Variants in C12orf42 observed in about 807,000 individuals in gnomAD.
The protein encoded by C12orf42 is chromosome 12 open reading frame 42.
C12orf42 carries 25 observed loss-of-function variants against 21.6 expected under a neutral mutation model. The observed-to-expected ratio is 1.16, with a 90% CI of 0.84 to 1.62. The LOEUF (loss-of-function observed/expected upper bound fraction) is 1.62, where lower values mean the gene tolerates loss of function less well. C12orf42 is among the 40% of genes most tolerant of loss of function. C12orf42 has a pLI of 0.00. For missense variants in C12orf42, 483 were observed against 459.3 expected, an observed-to-expected ratio of 1.05 and a Z score of -0.47; for synonymous variants, 174 against 175.0, an observed-to-expected ratio of 0.99 and a Z score of 0.05.
chr12:103,524,865 T>C, the C12orf42 span, among the ~76,000 whole-genome samples: 2 of 151,070 alleles, frequency 1.3e-5, no homozygotes, highest in South Asian at 4.2e-4. Context: ...GACCTGCAGC[T>C]GGTTTTGATC....
At chr12:103,256,628 G>C (rs1415813751) in intron 10 of C12orf42, among the ~76,000 whole-genome samples, 1 of 152,132 alleles carries the variant, frequency 6.6e-6, no homozygotes, top group African/African-American at 2.4e-5. Context: ...AGTTGAAAGA[G>C]CATGAAGTAA....
At chr12:103,324,679 G>C (rs932973606) in intron 4 of C12orf42, among the ~76,000 whole-genome samples, 1 of 152,044 alleles carries the variant, frequency 6.6e-6, no homozygotes, top group African/African-American at 2.4e-5. Context: ...TGTTTTACAA[G>C]TGCTCATTTT....
intron 4 of C12orf42, among the ~76,000 whole-genome samples, chr12:103,351,300 A>G (rs562445560): frequency 6.6e-6 from 1 of 152,106 alleles, no homozygotes; most frequent in Non-Finnish European, 1.5e-5. Flanking sequence ...GCCAACCTGT[A>G]ACCTATCCAA....
chr12:103,338,657 T>A (rs2041925330), intron 4 of C12orf42, among the ~76,000 whole-genome samples: 1 of 149,876 alleles, frequency 6.7e-6, no homozygotes, highest in African/African-American at 2.5e-5. Context: ...ATATTCGCCC[T>A]TTTTTTTAGA....
the C12orf42 span, among the ~76,000 whole-genome samples, chr12:103,223,631 A>G: frequency 6.6e-6 from 1 of 152,240 alleles, no homozygotes; most frequent in Non-Finnish European, 1.5e-5. Flanking sequence ...AAAGCAGGGC[A>G]TTTATGAGTA....
the C12orf42 span, among the ~76,000 whole-genome samples, chr12:103,082,771 A>G: frequency 6.6e-6 from 1 of 152,238 alleles, no homozygotes; most frequent in Non-Finnish European, 1.5e-5. Flanking sequence ...TTAGAAAATG[A>G]TCAAAGAAGC....
chr12:103,318,387 G>T (rs2039746520), intron 4 of C12orf42, among the ~76,000 whole-genome samples: 2 of 152,140 alleles, frequency 1.3e-5, no homozygotes, highest in Admixed American at 6.5e-5. Context: ...AAGTCATGGG[G>T]TGTGCATATC....
At chr12:103,289,279 T>C (rs1011528803) in intron 4 of C12orf42, among the ~76,000 whole-genome samples, 1 of 152,122 alleles carries the variant, frequency 6.6e-6, no homozygotes, top group Non-Finnish European at 1.5e-5. Flanking sequence ...TCATGTTATT[T>C]GGGATCTCTG....
the C12orf42 span, among the ~76,000 whole-genome samples, chr12:103,514,684 T>G: frequency 1.2e-4 from 18 of 152,194 alleles, no homozygotes; most frequent in African/African-American, 4.1e-4. Context: ...AACAGTTCAC[T>G]GGGTATTGTC....
At chr12:103,096,236 AG>A in the C12orf42 span, among the ~76,000 whole-genome samples, 3 of 152,242 alleles carry the variant, frequency 2.0e-5, no homozygotes, top group African/African-American at 7.2e-5. Context: ...AGGTTTGTAA[AG>A]GCATACAGTG....
chr12:103,146,529 AAAAGAAAG>A, the C12orf42 span, among the ~76,000 whole-genome samples: 1 of 144,786 alleles, frequency 6.9e-6, no homozygotes, highest in African/African-American at 2.6e-5. Flanking sequence ...AGAAAGAAAG[AAAAGAAAG>A]AAAGAAAGAG....
chr12:103,138,535 A>C, the C12orf42 span, among the ~76,000 whole-genome samples: 1 of 152,142 alleles, frequency 6.6e-6, no homozygotes, highest in Non-Finnish European at 1.5e-5. Flanking sequence ...GAGTCAATTA[A>C]ACCTCTTTTC....
In C12orf42 at chr12:103,462,679, A is replaced by G. The variant is rs115211802; in HGVS notation, c.78+15670T>C. On this transcript the variant is annotated intron_variant, in intron 2 of 5. Coordinates refer to ENST00000548883, the MANE Select transcript of C12orf42 (RefSeq NM_198521.5). ...TTTTCTATAAGACAATCAGACCTAT[A>G]AAATTTAAGGAGTAAAATCAGAAAA... Among the ~76,000 whole-genome samples, 841 of 152,310 alleles carry G rather than the reference A, an allele frequency of 5.5e-3. 6 individuals carry two copies. The highest frequency in any genetic ancestry group is 0.019 in the African/African-American group (777 of 41,562).
intron 4 of C12orf42, among the ~76,000 whole-genome samples, chr12:103,317,715 G>A (rs1281459848): frequency 1.3e-5 from 2 of 152,038 alleles, no homozygotes; most frequent in East Asian, 1.9e-4. Flanking sequence ...TAACTACACT[G>A]AGCATTTTTT....
chr12:103,427,588 G>C (rs1201430729), intron 2 of C12orf42, among the ~76,000 whole-genome samples: 1 of 152,090 alleles, frequency 6.6e-6, no homozygotes. Context: ...AAATTAACAA[G>C]GATATTCAGG....
the C12orf42 span, among the ~76,000 whole-genome samples, chr12:103,106,830 T>G: frequency 7.9e-5 from 12 of 151,998 alleles, no homozygotes; most frequent in African/African-American, 1.7e-4. Flanking sequence ...AACTCCATAT[T>G]CTAAAGAAAG....
intron 2 of C12orf42, among the ~76,000 whole-genome samples, chr12:103,442,503 G>C (rs1407518471): frequency 6.6e-6 from 1 of 152,116 alleles, no homozygotes; most frequent in Non-Finnish European, 1.5e-5. Flanking sequence ...CCTCACAAAT[G>C]GGGCCTTAGC....
chr12:103,346,868 C>T (rs2042667125), intron 4 of C12orf42, among the ~76,000 whole-genome samples: 1 of 152,142 alleles, frequency 6.6e-6, no homozygotes, highest in Admixed American at 6.6e-5. Context: ...AAACAAGTTT[C>T]CAACTACATA....
chr12:103,083,131 G>A, the C12orf42 span, among the ~76,000 whole-genome samples: 2 of 152,268 alleles, frequency 1.3e-5, no homozygotes, highest in Admixed American at 6.5e-5. Context: ...TTGGGAGGCC[G>A]AGGCGGGTGG....
Sources: gnomAD v4.1 joint callset for allele counts (sites outside exome capture counted in the v4.1 genomes callset) on GRCh38, gnomAD v4.1.1 for gene constraint, MANE v1.5 for transcripts, NCBI Gene and HGNC (gene_info 2026-07-23, HGNC 2026-07-21) for gene names.